The following DYM variants were observed in gnomAD, a reference collection of about 807,000 sequenced individuals.
DYM encodes dyggve-Melchior-Clausen syndrome protein.
A neutral mutation model predicts 93.1 loss-of-function variants in DYM; 78 were observed. The ratio of observed to expected loss-of-function variants is 0.84; its 90% CI spans 0.70 to 1.01. The LOEUF (loss-of-function observed/expected upper bound fraction) is 1.01, where lower values mean the gene tolerates loss of function less well. DYM is among the 50% of genes least tolerant of loss of function. The pLI is 0.00. For synonymous variants in DYM, 321 were observed against 319.7 expected (o/e 1.00, Z -0.04); for missense variants, 789 against 845.0 (o/e 0.93, Z 0.82).
At chr18:49,451,941 A>C (rs1600380893) in intron 1 of DYM, among the ~76,000 whole-genome samples, 1 of 152,336 alleles carries the variant, frequency 6.6e-6, no homozygotes, top group African/African-American at 2.4e-5. Context: ...GTAACACAAA[A>C]ATCTGGATAC....
At chr18:49,214,274 T>C (rs2092928092) in intron 13 of DYM, among the ~76,000 whole-genome samples, 1 of 152,214 alleles carries the variant, frequency 6.6e-6, no homozygotes, top group East Asian at 1.9e-4. Flanking sequence ...CATTACCACC[T>C]GAGCTCCGCC....
At chr18:49,221,272 A>T in intron 13 of DYM, among the ~76,000 whole-genome samples, 1 of 152,066 alleles carries the variant, frequency 6.6e-6, no homozygotes, top group East Asian at 1.9e-4. Context: ...GCTGGAGAGG[A>T]TGTGGAGAAA....
At chr18:49,092,468 G>A (rs188855738) in intron 17 of DYM, among the ~76,000 whole-genome samples, 30 of 152,274 alleles carry the variant, frequency 2.0e-4, no homozygotes, top group Admixed American at 5.2e-4. Context: ...TACACGCAGC[G>A]TAAAGTGCCC....
intron 17 of DYM, among the ~76,000 whole-genome samples, chr18:49,081,525 AGGGGAGAGGGGAGAG>A (rs1425945784): frequency 1.3e-3 from 2 of 1,552 alleles, no homozygotes; most frequent in African/African-American, 1.6e-3. Flanking sequence ...CGAGAGGGAG[AGGGGAGAGGGGAGAG>A]GGGAGAGGGG....
intron 1 of DYM, among the ~76,000 whole-genome samples, chr18:49,459,380 C>T (rs1383746034): frequency 1.3e-5 from 2 of 152,140 alleles, no homozygotes; most frequent in East Asian, 3.9e-4. Context: ...GATAATCACT[C>T]CAGAAATCCA....
At chr18:49,147,287 C>A (rs1250955653) in intron 15 of DYM, among the ~76,000 whole-genome samples, 1 of 151,674 alleles carries the variant, frequency 6.6e-6, no homozygotes, top group Non-Finnish European at 1.5e-5. Flanking sequence ...TAGGCATGGG[C>A]AAGGACTTCA....
At chr18:49,091,161 C>A (rs1033226626) in intron 17 of DYM, among the ~76,000 whole-genome samples, 1 of 152,156 alleles carries the variant, frequency 6.6e-6, no homozygotes, top group East Asian at 1.9e-4. Context: ...CATTTCCTCC[C>A]TCCCTCCCAT....
At chr18:49,318,570 C>T (rs1293829639) in intron 8 of DYM, among the ~76,000 whole-genome samples, 4 of 151,754 alleles carry the variant, frequency 2.6e-5, no homozygotes, top group Non-Finnish European at 5.9e-5. Context: ...TGTAGTGAGC[C>T]GAGATGGCGC....
intron 8 of DYM, among the ~76,000 whole-genome samples, chr18:49,288,970 T>A (rs925301873): frequency 3.3e-5 from 5 of 152,100 alleles, no homozygotes; most frequent in Admixed American, 1.3e-4. Context: ...TAGGGAAGTA[T>A]ACAACCATTC....
intron 14 of DYM, among the ~76,000 whole-genome samples, chr18:49,189,914 G>C (rs55658710): frequency 0.098 from 14,975 of 152,200 alleles, 996 homozygotes; most frequent in East Asian, 0.3. Context: ...CTTAGTGCCA[G>C]GCACCAAAAT....
Position 49,282,128 on chromosome 18 carries a change from A to G in DYM, c.994T>C (p.Phe332Leu), listed in dbSNP as rs777495467. 2 of 1,614,020 alleles carry G rather than the reference A, an allele frequency of 1.2e-6. No individual in the cohort carries two copies. Among genetic ancestry groups the G allele is most frequent in the Non-Finnish European group, 1.7e-6 (2 of 1,179,942 alleles). ...CAAAGAGCTGTGTACAAACTATTAA[A>G]GTTGATCTGGAAGGCATGTGGAATT... ...SSIPHAFQINFNSLYTALCEQ... is the reference protein window; with the variant it reads ...SSIPHAFQINLNSLYTALCEQ... Residue 332 changes from phenylalanine to leucine, a missense_variant, in exon 10 of 18, where the codon TTT (phenylalanine) becomes CTT (leucine). Phe to Leu is a conservative substitution (Grantham distance 22, BLOSUM62 0). Coordinates refer to ENST00000675505, the MANE Select transcript of DYM (RefSeq NM_001353214.3).
chr18:49,143,331 C>G (rs898921730), intron 15 of DYM, among the ~76,000 whole-genome samples: 1 of 152,050 alleles, frequency 6.6e-6, no homozygotes, highest in South Asian at 2.1e-4. Flanking sequence ...TTTTAAACAG[C>G]CTTCCTCAGT....
chr18:49,253,770 A>C (rs2094336655), intron 13 of DYM, among the ~76,000 whole-genome samples: 1 of 152,216 alleles, frequency 6.6e-6, no homozygotes, highest in African/African-American at 2.4e-5. Context: ...CAGGTGACTC[A>C]AGAAATTTAC....
chr18:49,081,246 A>C (rs1235389729), intron 17 of DYM, among the ~76,000 whole-genome samples: 98 of 150,958 alleles, frequency 6.5e-4, no homozygotes, highest in African/African-American at 2.3e-3. Context: ...CTCCGTCTGC[A>C]ATCCCGGCAC....
chr18:49,099,017 T>C (rs1027270377), intron 16 of DYM, among the ~76,000 whole-genome samples: 1 of 152,204 alleles, frequency 6.6e-6, no homozygotes, highest in Non-Finnish European at 1.5e-5. Context: ...ATGCCAATTT[T>C]GTTGGTAAAA....
At chr18:49,065,689 G>A (rs893742113) in intron 17 of DYM, among the ~76,000 whole-genome samples, 4 of 151,560 alleles carry the variant, frequency 2.6e-5, no homozygotes, top group African/African-American at 9.7e-5. Flanking sequence ...CTACATGCTT[G>A]TAGTAAAATC....
intron 17 of DYM, among the ~76,000 whole-genome samples, chr18:49,067,045 A>T (rs948449249): frequency 2.0e-5 from 3 of 150,770 alleles, no homozygotes; most frequent in African/African-American, 2.4e-5. Flanking sequence ...TACCAGAAGC[A>T]GCATATACTA....
At position 49,118,809 on chromosome 18, in the gene DYM, G is replaced by T. The variant is rs772139849; in HGVS notation, c.1846C>A (p.Arg616Ser). Residue 616 changes from arginine (R) to serine (S), a missense_variant, in exon 16 of 18, where the codon CGC becomes AGC. Around this residue, in one of 3 missense-constraint regions of DYM, gnomAD observed 225 missense variants for 303.0 expected, o/e 0.74. Transcript: ENST00000675505. ...GTTCGAAATTGTTCAAAGAGATCGC[G>T]TTTGTAAAGCAGGGCGTATACCAAG... The part of the protein sequence containing the change: ...PNLVYALLYK[R>S]DLFEQFRTHP... 1.2e-6 allele frequency: 2 copies of T among 1,614,074 alleles called. No individual in the cohort carries two copies. The highest frequency in any genetic ancestry group is 1.7e-6 in the Non-Finnish European group (2 of 1,179,992).
At chr18:49,152,415 G>A (rs1395173256) in intron 15 of DYM, among the ~76,000 whole-genome samples, 6 of 152,132 alleles carry the variant, frequency 3.9e-5, no homozygotes, top group Non-Finnish European at 2.9e-5. Flanking sequence ...TAGAACACAA[G>A]CACGAAAATT....
Sources: allele counts gnomAD v4.1 joint callset (sites outside exome capture counted in the v4.1 genomes callset), GRCh38; gene constraint gnomAD v4.1.1; regional missense constraint gnomAD v4.1.1; transcripts MANE v1.5; gene names NCBI Gene and HGNC (gene_info 2026-07-23, HGNC 2026-07-21).